The following TRAF2 variants were observed in gnomAD, a reference collection of about 807,000 sequenced individuals.
TRAF2 encodes TNF receptor associated factor 2, also known as TNF receptor-associated factor 2.
A neutral mutation model predicts 55.6 loss-of-function variants in TRAF2; 6 were observed. The observed-to-expected ratio is 0.11, with a 90% CI of 0.06 to 0.21. The LOEUF (loss-of-function observed/expected upper bound fraction) is 0.21, where lower values mean the gene tolerates loss of function less well. TRAF2 is among the 10% of genes least tolerant of loss of function. TRAF2 has a pLI of 1.00. For missense variants in TRAF2, 561 were observed against 684.5 expected, an observed-to-expected ratio of 0.82 and a Z score of 2.01; for synonymous variants, 329 against 276.3, an observed-to-expected ratio of 1.19 and a Z score of -1.89.
chr9:136,903,255 C>G (rs963948458), intron 4 of TRAF2, among the ~76,000 whole-genome samples: 1 of 152,150 alleles, frequency 6.6e-6, no homozygotes, highest in African/African-American at 2.4e-5. Context: ...CTGGCCAAAT[C>G]GAATAATTTT....
intron 4 of TRAF2, among the ~76,000 whole-genome samples, chr9:136,901,329 CTG>C (rs1431532317): frequency 1.3e-5 from 2 of 152,196 alleles, no homozygotes; most frequent in Non-Finnish European, 2.9e-5. Context: ...TGGAGTAACA[CTG>C]TCCACAGAGC....
At chr9:136,887,225 G>T (rs1195809267) in intron 1 of TRAF2, among the ~76,000 whole-genome samples, 1 of 152,252 alleles carries the variant, frequency 6.6e-6, no homozygotes, top group African/African-American at 2.4e-5. Flanking sequence ...CCGGGGCCTG[G>T]TCCTGGCAGT....
chr9:136,901,628 C>T (rs1849822399), intron 4 of TRAF2, among the ~76,000 whole-genome samples: 1 of 152,164 alleles, frequency 6.6e-6, no homozygotes, highest in African/African-American at 2.4e-5. Flanking sequence ...CCGAGTCATA[C>T]ATTGGAATGA....
At chr9:136,908,646 C>A (rs965971247) in intron 5 of TRAF2, among the ~76,000 whole-genome samples, 2 of 152,146 alleles carry the variant, frequency 1.3e-5, no homozygotes, top group African/African-American at 4.8e-5. Flanking sequence ...GCGGGCAGAT[C>A]ACGAGGTCAG....
chr9:136,924,006 G>A lies in TRAF2; in HGVS notation c.1287+6G>A. On this transcript the variant is annotated splice_donor_region_variant and intron_variant, in intron 10 of 10. Transcript: ENST00000247668. ...GGTGGCCCTTCAACCAGAAGGTGAGGCCGTCCCTGCAGGCTTCGCTAGGGC... is the reference window on the plus strand; with the variant it reads ...GGTGGCCCTTCAACCAGAAGGTGAGACCGTCCCTGCAGGCTTCGCTAGGGC... The A allele has an allele frequency of 6.2e-7, 1 of 1,612,330 alleles. No individual in the cohort carries two copies. The highest frequency in any genetic ancestry group is 8.5e-7 in the Non-Finnish European group (1 of 1,179,866).
intron 10 of TRAF2, 124 bp downstream of exon 10, chr9:136,924,124 G>T: frequency 8.3e-7 from 1 of 1,203,750 alleles, no homozygotes; most frequent in Non-Finnish European, 1.1e-6. Flanking sequence ...GGTGTCTGCA[G>T]CAGGCACGTC....
chr9:136,924,137 C>T lies in TRAF2; in HGVS notation c.1287+137C>T. 2.8e-6 allele frequency: 3 copies of T among 1,080,174 alleles called. No individual in the cohort carries two copies. The South Asian group carries it at 4.7e-5, about 17-fold the overall frequency. The allele number at this position is 1,080,174 out of a possible 1,614,324, so 66.9% of individuals were successfully genotyped here. On this transcript the variant is annotated intron_variant, in intron 10 of 10. Coordinates refer to ENST00000247668, the MANE Select transcript of TRAF2 (RefSeq NM_021138.4). ...CAGGTGTCTGCAGCAGGCACGTCAC[C>T]CTGTGATGCTGTGTCACGCGGTGGA...
intron 4 of TRAF2, among the ~76,000 whole-genome samples, chr9:136,903,547 T>TA (rs1849871486): frequency 6.6e-6 from 1 of 151,688 alleles, no homozygotes; most frequent in Non-Finnish European, 1.5e-5. Flanking sequence ...TTTTTTTTTT[T>TA]TTAAACTGTG....
intron 10 of TRAF2, among the ~76,000 whole-genome samples, chr9:136,924,612 C>T (rs1311051126): frequency 2.0e-5 from 3 of 152,070 alleles, no homozygotes; most frequent in Admixed American, 1.3e-4. Context: ...TTTGGGGGTG[C>T]CCAGCTTTAG....
intron 7 of TRAF2, among the ~76,000 whole-genome samples, chr9:136,918,224 T>C (rs1160034190): frequency 1.0e-5 from 1 of 96,414 alleles, no homozygotes; most frequent in Non-Finnish European, 1.9e-5. Flanking sequence ...TAGAGTGTTT[T>C]GTTTATATAT....
intron 5 of TRAF2, 22 bp from the exon 6 acceptor site, chr9:136,909,898 C>T (rs777817774): frequency 8.7e-6 from 14 of 1,613,844 alleles, no homozygotes; most frequent in Admixed American, 6.7e-5. Context: ...CACCCTCACA[C>T]TCCTGATCCC....
At chr9:136,886,659 G>A (rs1197242191) in intron 1 of TRAF2, 118 bp downstream of exon 1, 28 of 744,610 alleles carry the variant, frequency 3.8e-5, no homozygotes, top group South Asian at 5.7e-5. Context: ...GGGCCGGAGC[G>A]GGAGCGGGGG....
intron 2 of TRAF2, among the ~76,000 whole-genome samples, chr9:136,899,329 G>T (rs1849761381): frequency 6.6e-6 from 1 of 152,220 alleles, no homozygotes; most frequent in Non-Finnish European, 1.5e-5. Context: ...GGCCTGTCGG[G>T]AGAGCCGGCA....
chr9:136,908,366 G>A (rs576147312), intron 5 of TRAF2, 135 bp downstream of exon 5: 40 of 998,514 alleles, frequency 4.0e-5, no homozygotes, highest in Non-Finnish European at 5.2e-5. Context: ...CTGGAGACAC[G>A]CGGGCGGATG....
rs1244985383 is a variant in TRAF2, at chr9:136,886,606, C to G, written c.-29+65C>G. The G allele has an allele frequency of 3.1e-6, 3 of 955,070 alleles. No individual in the cohort carries two copies. The Admixed American group carries it at 2.1e-4, about 68-fold the overall frequency. The allele number at this position is 955,070 out of a possible 1,614,324, so 59.2% of individuals were successfully genotyped here. A position where few individuals can be genotyped will look rare whatever the true frequency, so the allele number is the denominator to read the frequency against. ...GCGCGGGGTCGGGTGCGGGGTCGGGCGCGGGGTCGGGCGCAGGCGCGGGCA... is the reference window on the plus strand; with the variant it reads ...GCGCGGGGTCGGGTGCGGGGTCGGGGGCGGGGTCGGGCGCAGGCGCGGGCA... On this transcript the variant is annotated intron_variant, in intron 1 of 10. Transcript: ENST00000247668.
chr9:136,917,133 A>G (rs7027246), intron 7 of TRAF2, among the ~76,000 whole-genome samples: 119,187 of 152,156 alleles, frequency 0.78, 47,141 homozygotes, highest in African/African-American at 0.89. Flanking sequence ...CCCTGTCCAC[A>G]TCATCCTCAT....
intron 1 of TRAF2, among the ~76,000 whole-genome samples, chr9:136,897,165 G>A (rs1415668220): frequency 3.7e-5 from 2 of 54,160 alleles, no homozygotes; most frequent in East Asian, 7.9e-4. Context: ...GTCTCTGCCC[G>A]GGACGCTGAG....
At chr9:136,907,934 A>G (rs962979255) in intron 4 of TRAF2, 136 bp from the exon 5 acceptor site, 3 of 949,922 alleles carry the variant, frequency 3.2e-6, no homozygotes, top group Middle Eastern at 2.3e-4. Context: ...CCTGAGAGCT[A>G]TCTGCAGAGG....
At chr9:136,925,131 C>T (rs1396859278) in intron 10 of TRAF2, among the ~76,000 whole-genome samples, 1 of 152,190 alleles carries the variant, frequency 6.6e-6, no homozygotes, top group Non-Finnish European at 1.5e-5. Context: ...CACAGTTGGC[C>T]CAGACTTGCT....
Sources: allele counts gnomAD v4.1 joint callset (sites outside exome capture counted in the v4.1 genomes callset), GRCh38; gene constraint gnomAD v4.1.1; transcripts MANE v1.5; gene names NCBI Gene and HGNC (gene_info 2026-07-23, HGNC 2026-07-21).